Variants in EPS15 observed in about 807,000 individuals in gnomAD.
EPS15 encodes the protein epidermal growth factor receptor pathway substrate 15, also known as epidermal growth factor receptor substrate 15.
In EPS15, 72 loss-of-function variants were observed where a neutral mutation model predicts 113.8. That is an observed-to-expected ratio of 0.63 (90% CI 0.52 to 0.77). The LOEUF is 0.77. Among genes scored for constraint, EPS15 ranks in the 30% least tolerant of loss-of-function variants. The probability of loss-of-function intolerance (pLI) is 0.00; values close to 1 mark genes in which losing one functional copy is unlikely to be tolerated. For synonymous variants in EPS15, 344 were observed against 363.4 expected (o/e 0.95, Z 0.61); for missense variants, 1,048 against 1,045.8 (o/e 1.00, Z -0.03).
rs1570047782 is a variant in EPS15 at position 51,354,675 on chromosome 1, C to T, written c.*2025G>A. On this transcript the variant is annotated 3_prime_UTR_variant, in exon 25 of 25. Coordinates refer to ENST00000371733, the MANE Select transcript of EPS15 (RefSeq NM_001981.3). ...AAACGACTCTAAGACATTCATCCTA[C>T]ACAAGCGAGCACATATACATATATA... The T allele has an allele frequency of 5.4e-6, 1 of 183,876 alleles. No individual in the cohort carries two copies. The highest frequency in any genetic ancestry group is 8.8e-5 in the East Asian group (1 of 11,332). 11.4% of individuals were successfully genotyped at this position (183,876 alleles called of 1,614,324 possible). A position where few individuals can be genotyped will look rare whatever the true frequency, so the allele number is the denominator to read the frequency against.
At chr1:51,391,532 C>A (rs1362379560) in intron 21 of EPS15, among the ~76,000 whole-genome samples, 1 of 151,862 alleles carries the variant, frequency 6.6e-6, no homozygotes, top group Non-Finnish European at 1.5e-5. Context: ...ATCATGTGAA[C>A]ATACGGAGAA....
At chr1:51,406,594 A>G (rs1020621825) in intron 15 of EPS15, among the ~76,000 whole-genome samples, 2 of 152,228 alleles carry the variant, frequency 1.3e-5, no homozygotes, top group African/African-American at 4.8e-5. Flanking sequence ...ATTTCTGACA[A>G]TAAGTATTTC....
rs903390742 is a variant in EPS15, at chr1:51,355,832, C to T, written c.*868G>A. 7.5e-5 allele frequency: 15 copies of T among 199,490 alleles called. No homozygotes were observed. Among genetic ancestry groups the T allele is most frequent in the South Asian group, 3.8e-4 (2 of 5,236 alleles). 12.4% of individuals were successfully genotyped at this position (199,490 alleles called of 1,614,324 possible). ...CTAAGAACTAAACAGGACAGGGCCA[C>T]GGCAAAGGCAGAATGGCTGCCATGT... On this transcript the variant is annotated 3_prime_UTR_variant, in exon 25 of 25. Transcript: ENST00000371733.
chr1:51,407,269 C>A (rs1649218679), intron 15 of EPS15, among the ~76,000 whole-genome samples: 1 of 152,070 alleles, frequency 6.6e-6, no homozygotes, highest in South Asian at 2.1e-4. Flanking sequence ...GTGATCTGAG[C>A]TCACTGCAAC....
intron 1 of EPS15, among the ~76,000 whole-genome samples, chr1:51,514,247 T>C (rs1644675322): frequency 6.6e-6 from 1 of 152,218 alleles, no homozygotes; most frequent in Non-Finnish European, 1.5e-5. Context: ...AACTCCAGCA[T>C]ATGAATTTGC....
intron 1 of EPS15, among the ~76,000 whole-genome samples, chr1:51,501,174 G>A (rs1174486384): frequency 2.6e-5 from 4 of 151,988 alleles, no homozygotes; most frequent in Non-Finnish European, 4.4e-5. Flanking sequence ...TTGAGAGCCC[G>A]AGGCGGGCAG....
At chr1:51,474,061 GATCAAACTCTTATGAA>G in intron 2 of EPS15, among the ~76,000 whole-genome samples, 1 of 152,286 alleles carries the variant, frequency 6.6e-6, no homozygotes, top group South Asian at 2.1e-4. Context: ...GGGAAACATT[GATCAAACTCTTATGAA>G]ATCATTATGT....
At chr1:51,451,322 C>G (rs1192734007) in intron 8 of EPS15, among the ~76,000 whole-genome samples, 1 of 151,224 alleles carries the variant, frequency 6.6e-6, no homozygotes, top group African/African-American at 2.4e-5. Context: ...AACTCCATCT[C>G]TACTAAAAAT....
chr1:51,432,838 C>G (rs1159962388), intron 12 of EPS15, among the ~76,000 whole-genome samples: 1 of 152,150 alleles, frequency 6.6e-6, no homozygotes. Flanking sequence ...AAGAAATGCA[C>G]ACCGCAACCT....
chr1:51,382,240 A>G (rs1352729715), intron 21 of EPS15: 1 of 152,172 alleles, frequency 6.6e-6, no homozygotes, highest in Non-Finnish European at 1.5e-5. Flanking sequence ...AATCACAAAA[A>G]CAAAGAAAAT....
At chr1:51,415,284 C>A (rs150533717) in intron 13 of EPS15, among the ~76,000 whole-genome samples, 3 of 152,256 alleles carry the variant, frequency 2.0e-5, no homozygotes, top group African/African-American at 7.2e-5. Flanking sequence ...TCCCAAAGAG[C>A]AAACACATTC....
chr1:51,377,029 G>C (rs927345259), intron 21 of EPS15, among the ~76,000 whole-genome samples: 2 of 152,102 alleles, frequency 1.3e-5, no homozygotes, highest in Admixed American at 1.3e-4. Context: ...ACTTTGGGAG[G>C]CTGAGGCGGG....
At chr1:51,423,685 C>T in intron 12 of EPS15, 3 of 985,390 alleles carry the variant, frequency 3.0e-6, no homozygotes, top group South Asian at 4.7e-5. Flanking sequence ...CTGCTAACTG[C>T]TGTCACTGAC....
At chr1:51,415,019 G>GT (rs538380293) in intron 13 of EPS15, among the ~76,000 whole-genome samples, 11 of 151,692 alleles carry the variant, frequency 7.3e-5, no homozygotes, top group African/African-American at 1.4e-4. Context: ...CAAGTTTGCT[G>GT]TTTTTTTTAA....
chr1:51,358,853 G>A (rs1646307914), intron 24 of EPS15, among the ~76,000 whole-genome samples: 2 of 151,786 alleles, frequency 1.3e-5, no homozygotes, highest in South Asian at 2.1e-4. Flanking sequence ...ACAGGCATGC[G>A]CCACCATGCC....
intron 1 of EPS15, among the ~76,000 whole-genome samples, chr1:51,497,040 A>G (rs1305209119): frequency 6.6e-6 from 1 of 152,234 alleles, no homozygotes; most frequent in African/African-American, 2.4e-5. Context: ...ACTGAATAAC[A>G]AGAAATCTTC....
chr1:51,481,973 C>T (rs1354944547), intron 1 of EPS15, among the ~76,000 whole-genome samples: 2 of 152,026 alleles, frequency 1.3e-5, no homozygotes, highest in African/African-American at 4.8e-5. Flanking sequence ...AGTTTGAGAC[C>T]AGCCTGGGCA....
rs1170453505 is a variant in EPS15 at position 51,423,453 on chromosome 1, A to C, written c.1041-1595T>G. Reference sequence around the variant, plus strand: ...ATCTTGGAAATTTTCTTTCCTCCTTATGTGAGCAGATGAATGTTTTCAGTC... The same window carrying C: ...ATCTTGGAAATTTTCTTTCCTCCTTCTGTGAGCAGATGAATGTTTTCAGTC... On this transcript the variant is annotated intron_variant, in intron 12 of 24. Coordinates refer to ENST00000371733, the MANE Select transcript of EPS15 (RefSeq NM_001981.3). 3.0e-6 allele frequency: 3 copies of C among 985,306 alleles called. No individual in the cohort carries two copies. The African/African-American group carries it at 5.2e-5, about 17-fold the overall frequency. 61.0% of individuals were successfully genotyped at this position (985,306 alleles called of 1,614,324 possible).
chr1:51,508,607 A>G (rs1056348066), intron 1 of EPS15, among the ~76,000 whole-genome samples: 3 of 152,128 alleles, frequency 2.0e-5, no homozygotes, highest in African/African-American at 7.2e-5. Context: ...TGTTCTTCCC[A>G]CTACGTAAAA....
Sources: allele counts gnomAD v4.1 joint callset (sites outside exome capture counted in the v4.1 genomes callset), GRCh38; gene constraint gnomAD v4.1.1; transcripts MANE v1.5; gene names NCBI Gene and HGNC (gene_info 2026-07-23, HGNC 2026-07-21).